The following CMC2 variants were observed in gnomAD, a reference collection of about 807,000 sequenced individuals.
CMC2 encodes the protein C-X9-C motif containing 2.
CMC2 carries 5 observed loss-of-function variants against 7.5 expected under a neutral mutation model. The ratio of observed to expected loss-of-function variants is 0.66; its 90% CI spans 0.35 to 1.40. The LOEUF (loss-of-function observed/expected upper bound fraction) is 1.40. Ranked by LOEUF, CMC2 falls within the 40% of genes most tolerant of loss-of-function variation. The pLI, the probability that CMC2 is intolerant of heterozygous loss-of-function variation, is 0.04. For synonymous variants in CMC2, 37 were observed against 31.4 expected (o/e 1.18, Z -0.60); for missense variants, 115 against 92.3 (o/e 1.25, Z -1.01).
chr16:80,981,782 TC>T, intron 3 of CMC2, 23 bp downstream of exon 3: 1 of 1,492,954 alleles, frequency 6.7e-7, no homozygotes, highest in Non-Finnish European at 9.3e-7. Context: ...TTCAACCATA[TC>T]CATCCTTTGA....
intron 2 of CMC2, among the ~76,000 whole-genome samples, chr16:80,994,952 C>T (rs1178472731): frequency 1.3e-5 from 2 of 151,978 alleles, no homozygotes; most frequent in Non-Finnish European, 2.9e-5. Context: ...TCGAGACCAG[C>T]CTGACCAACA....
intron 3 of CMC2, chr16:80,980,729 A>G (rs1278808111): frequency 4.6e-6 from 3 of 654,454 alleles, no homozygotes; most frequent in African/African-American, 3.6e-5. Flanking sequence ...CATCTCTACA[A>G]AAAAATGTGT....
chr16:80,978,537 A>G, intron 3 of CMC2: 1 of 392,142 alleles, frequency 2.6e-6, no homozygotes, highest in Admixed American at 3.8e-5. Flanking sequence ...GGGACAAAAG[A>G]GAATGCCACA....
At chr16:80,990,107 C>T (rs59753210) in intron 2 of CMC2, among the ~76,000 whole-genome samples, 85 of 151,316 alleles carry the variant, frequency 5.6e-4, no homozygotes, top group African/African-American at 1.1e-3. Flanking sequence ...ATTCCCTCCC[C>T]TTTTTTTGAG....
chr16:81,002,152 C>A (rs1310072225), intron 1 of CMC2, among the ~76,000 whole-genome samples: 1 of 152,156 alleles, frequency 6.6e-6, no homozygotes, highest in Non-Finnish European at 1.5e-5. Flanking sequence ...AGGCCAGATG[C>A]GGTGGCTCAC....
chr16:80,988,672 CTAATT>C (rs1967733492), intron 2 of CMC2: 1 of 684,876 alleles, frequency 1.5e-6, no homozygotes, highest in African/African-American at 1.8e-5. Flanking sequence ...ACACTAGTAT[CTAATT>C]TATAGACCTT....
Position 80,997,442 on chromosome 16 carries a change from G to C in CMC2, c.-35-13C>G, listed in dbSNP as rs777395464. The C allele has an allele frequency of 7.2e-7, 1 of 1,383,906 alleles. No individual in the cohort carries two copies. The highest frequency in any genetic ancestry group is 1.0e-6 in the Non-Finnish European group (1 of 971,392). 85.7% of individuals were successfully genotyped at this position (1,383,906 alleles called of 1,614,324 possible). A position where few individuals can be genotyped will look rare whatever the true frequency, so the allele number is the denominator to read the frequency against. ...ACAGCAGTGCAACCTGTGGATACAA[G>C]AGTGTCTTGAATATGCATAAACACA... On this transcript the variant is annotated splice_polypyrimidine_tract_variant and intron_variant, in intron 1 of 3. Coordinates refer to ENST00000219400, the MANE Select transcript of CMC2 (RefSeq NM_020188.5).
At chr16:80,985,308 T>C (rs1307863606) in intron 2 of CMC2, among the ~76,000 whole-genome samples, 1 of 152,186 alleles carries the variant, frequency 6.6e-6, no homozygotes, top group Non-Finnish European at 1.5e-5. Flanking sequence ...ATAGCGGAGT[T>C]TTCCCGGGGC....
intron 3 of CMC2, among the ~76,000 whole-genome samples, chr16:80,977,098 T>C (rs966973913): frequency 1.3e-5 from 2 of 152,206 alleles, no homozygotes; most frequent in Non-Finnish European, 2.9e-5. Context: ...AACCATATTA[T>C]CCTATTGACT....
chr16:80,975,021 G>A lies in CMC2; in HGVS notation c.*1072C>T, dbSNP rs1476071455. On this transcript the variant is annotated 3_prime_UTR_variant, in exon 4 of 4. Coordinates refer to ENST00000219400, the MANE Select transcript of CMC2 (RefSeq NM_020188.5). The stretch of plus-strand genomic sequence containing the variant: ...CTAGAAGGAGCTCACAGCTGAGTCT[G>A]TTCCCTGACACCTGACAAGATCAAG... The A allele has an allele frequency of 6.6e-6, 1 of 152,266 alleles. No individual in the cohort carries two copies. Among genetic ancestry groups the A allele is most frequent in the African/African-American group, 2.4e-5 (1 of 41,462 alleles). The allele number at this position is 152,266 out of a possible 1,614,324, so 9.4% of individuals were successfully genotyped here. A position where few individuals can be genotyped will look rare whatever the true frequency, so the allele number is the denominator to read the frequency against.
intron 2 of CMC2, among the ~76,000 whole-genome samples, chr16:80,995,840 T>C (rs1968374961): frequency 1.3e-5 from 2 of 152,140 alleles, no homozygotes; most frequent in South Asian, 4.1e-4. Flanking sequence ...ACTGTGATGG[T>C]GGTTGCATGG....
At position 80,966,589 on chromosome 16, in the gene CMC2, C is replaced by T. The variant is rs1911568330; in HGVS notation, c.*9504G>A. The T allele has an allele frequency of 6.6e-6, 1 of 152,094 alleles. No individual in the cohort carries two copies. The highest frequency in any genetic ancestry group is 2.4e-5 in the African/African-American group (1 of 41,408). 9.4% of individuals were successfully genotyped at this position (152,094 alleles called of 1,614,324 possible). The stretch of plus-strand genomic sequence containing the variant: ...ACGTGATATTTTATAATACCAATTT[C>T]AAAACAATATTATTTTTATTATAAA... On this transcript the variant is annotated 3_prime_UTR_variant, in exon 4 of 4. Transcript: ENST00000219400.
At chr16:80,992,557 T>G (rs912893653) in intron 2 of CMC2, among the ~76,000 whole-genome samples, 1 of 152,200 alleles carries the variant, frequency 6.6e-6, no homozygotes, top group African/African-American at 2.4e-5. Context: ...TAAGTAATGG[T>G]ATGTTCAGTA....
chr16:80,989,003 T>C (rs1967760904), intron 2 of CMC2, among the ~76,000 whole-genome samples: 1 of 152,224 alleles, frequency 6.6e-6, no homozygotes, highest in Admixed American at 6.5e-5. Flanking sequence ...AGGAATACCC[T>C]AGAAGTGATG....
In CMC2 at chr16:80,973,610, A is replaced by G. The variant is rs1480147840; in HGVS notation, c.*2483T>C. The G allele has an allele frequency of 6.6e-6, 1 of 152,156 alleles. No homozygotes were observed. The highest frequency in any genetic ancestry group is 2.4e-5 in the African/African-American group (1 of 41,428). The allele number at this position is 152,156 out of a possible 1,614,324, so 9.4% of individuals were successfully genotyped here. On this transcript the variant is annotated 3_prime_UTR_variant, in exon 4 of 4. Transcript: ENST00000219400. Reference sequence around the variant, plus strand: ...TCTAATGGTTTTCCATTATGCTCCAAATAACATGCAAGTTCCCTGAGGTGA... The same window carrying G: ...TCTAATGGTTTTCCATTATGCTCCAGATAACATGCAAGTTCCCTGAGGTGA...
intron 3 of CMC2, 23 bp from the exon 4 acceptor site, chr16:80,976,202 GA>G: frequency 7.4e-7 from 1 of 1,351,580 alleles, no homozygotes; most frequent in Non-Finnish European, 1.0e-6. Flanking sequence ...AGAAGGGGGG[GA>G]GAAAAGAAAC....
At chr16:80,982,193 G>A (rs944663763) in intron 2 of CMC2, 3 of 202,390 alleles carry the variant, frequency 1.5e-5, no homozygotes, top group Non-Finnish European at 3.0e-5. Context: ...AGAAAGATAC[G>A]GCATAAATGT....
At chr16:80,993,786 C>T (rs764560615) in intron 2 of CMC2, among the ~76,000 whole-genome samples, 12 of 152,056 alleles carry the variant, frequency 7.9e-5, no homozygotes, top group Non-Finnish European at 2.9e-5. Context: ...AAGTCATCAA[C>T]AATGTTCAGC....
At chr16:80,990,576 G>A (rs1224793770) in intron 2 of CMC2, among the ~76,000 whole-genome samples, 1 of 152,110 alleles carries the variant, frequency 6.6e-6, no homozygotes, top group African/African-American at 2.4e-5. Context: ...GTTTCTTTTT[G>A]CACAAATGAA....
Sources: allele counts gnomAD v4.1 joint callset (sites outside exome capture counted in the v4.1 genomes callset), GRCh38; gene constraint gnomAD v4.1.1; transcripts MANE v1.5; gene names NCBI Gene and HGNC (gene_info 2026-07-23, HGNC 2026-07-21).